The following SRSF12 variants were observed in gnomAD, a reference collection of about 807,000 sequenced individuals.
SRSF12 encodes serine/arginine-rich splicing factor 12.
SRSF12 carries 21 observed loss-of-function variants against 34.1 expected under a neutral mutation model. The observed-to-expected ratio is 0.62, with a 90% CI of 0.44 to 0.89. The LOEUF (loss-of-function observed/expected upper bound fraction) is 0.89. Among genes scored for constraint, SRSF12 ranks in the 40% least tolerant of loss-of-function variants. SRSF12 has a pLI of 0.00. For missense variants in SRSF12, 278 were observed against 327.8 expected, an observed-to-expected ratio of 0.85 and a Z score of 1.17; for synonymous variants, 111 against 110.8, an observed-to-expected ratio of 1.00 and a Z score of -0.01.
chr6:89,116,685 G>T (rs760419621), intron 1 of SRSF12, among the ~76,000 whole-genome samples: 16 of 151,418 alleles, frequency 1.1e-4, no homozygotes, highest in Non-Finnish European at 2.4e-4. Flanking sequence ...TGAGGCAGGA[G>T]AATCGCTTGA....
chr6:89,105,794 G>A lies in SRSF12; in HGVS notation c.171-264C>T, dbSNP rs115617331. ...GTACTTTTAGTGTCTACAATAGTGT[G>A]GCTGCAGTATGCATGTATAATTTGA... On this transcript the variant is annotated intron_variant, in intron 2 of 4. Transcript: ENST00000452027. The A allele has an allele frequency of 6.0e-3, 1,268 of 210,462 alleles. 16 individuals are homozygous for A. The highest frequency in any genetic ancestry group is 0.028 in the African/African-American group (1,201 of 43,616). The allele number at this position is 210,462 out of a possible 1,614,324, so 13.0% of individuals were successfully genotyped here.
chr6:89,114,922 G>A (rs892013744), intron 1 of SRSF12, among the ~76,000 whole-genome samples: 8 of 151,668 alleles, frequency 5.3e-5, no homozygotes, highest in African/African-American at 1.7e-4. Context: ...TCCGCCTCCC[G>A]AGTAGCTGGG....
chr6:89,110,378 C>T (rs1393522537), intron 1 of SRSF12, among the ~76,000 whole-genome samples: 3 of 152,200 alleles, frequency 2.0e-5, no homozygotes, highest in Admixed American at 2.0e-4. Context: ...TAAATACCCT[C>T]TAAGGTTTCC....
chr6:89,107,158 C>T lies in SRSF12; in HGVS notation c.166G>A (p.Val56Ile), dbSNP rs1768829862. The change falls in exon 2 of 5, where the codon GTT becomes ATT. Residue 56 changes from valine to isoleucine, a missense_variant. Physicochemically the swap from Val to Ile is conservative, Grantham distance 29. Coordinates refer to ENST00000452027, the MANE Select transcript of SRSF12 (RefSeq NM_080743.5). ...ACACAATAAAATAAAGGATATTGAA[C>T]ATAAGCAAATCCTCTTGGGCGGCGA... ...YTRRPRGFAY[V>I]QFEDVRDAED... is the part of the protein sequence containing the mutation. 3 of 1,613,716 alleles carry T rather than the reference C, an allele frequency of 1.9e-6. No homozygotes were observed. Among genetic ancestry groups the T allele is most frequent in the Non-Finnish European group, 2.5e-6 (3 of 1,179,718 alleles).
At chr6:89,106,982 C>A (rs1186469341) in intron 2 of SRSF12, 172 bp downstream of exon 2, 1 of 710,420 alleles carries the variant, frequency 1.4e-6, no homozygotes, top group Admixed American at 2.1e-5. Context: ...CAGGTTGGTT[C>A]AAACTGGGGG....
At chr6:89,106,137 T>C (rs572681595) in intron 2 of SRSF12, among the ~76,000 whole-genome samples, 1 of 152,306 alleles carries the variant, frequency 6.6e-6, no homozygotes, top group Non-Finnish European at 1.5e-5. Flanking sequence ...TTTCTGTTTT[T>C]GAGATGGAGT....
chr6:89,112,573 C>T (rs1319290677), intron 1 of SRSF12, among the ~76,000 whole-genome samples: 3 of 148,474 alleles, frequency 2.0e-5, no homozygotes, highest in Non-Finnish European at 4.4e-5. Flanking sequence ...TCACCATGCC[C>T]GGCTAACTTT....
chr6:89,115,254 T>C (rs1769238156), intron 1 of SRSF12, among the ~76,000 whole-genome samples: 1 of 151,868 alleles, frequency 6.6e-6, no homozygotes, highest in African/African-American at 2.4e-5. Context: ...ACAGGTGTCA[T>C]ACACCAGGCT....
At chr6:89,102,891 C>T (rs1768601625) in intron 4 of SRSF12, among the ~76,000 whole-genome samples, 1 of 152,146 alleles carries the variant, frequency 6.6e-6, no homozygotes, top group Non-Finnish European at 1.5e-5. Context: ...CCCTCCCTCC[C>T]AGTAGCTGGA....
At chr6:89,115,425 G>A (rs1360557871) in intron 1 of SRSF12, among the ~76,000 whole-genome samples, 2 of 152,018 alleles carry the variant, frequency 1.3e-5, no homozygotes, top group Non-Finnish European at 2.9e-5. Flanking sequence ...TGGGATTACA[G>A]GCGCCAGCCA....
At chr6:89,116,376 T>C (rs1415322835) in intron 1 of SRSF12, among the ~76,000 whole-genome samples, 1 of 152,196 alleles carries the variant, frequency 6.6e-6, no homozygotes, top group Non-Finnish European at 1.5e-5. Context: ...AATATATTGA[T>C]AAAAAGGCTG....
chr6:89,109,378 A>G (rs1168523479), intron 1 of SRSF12, among the ~76,000 whole-genome samples: 1 of 152,170 alleles, frequency 6.6e-6, no homozygotes, highest in African/African-American at 2.4e-5. Context: ...TACTCAATAT[A>G]TATTTGCCTA....
At position 89,098,525 on chromosome 6, in the gene SRSF12, T is replaced by C; in HGVS notation, c.*53A>G. 6.6e-7 allele frequency: 1 copy of C among 1,520,784 alleles called. No homozygotes were observed. The highest frequency in any genetic ancestry group is 8.8e-7 in the Non-Finnish European group (1 of 1,137,116). The allele number at this position is 1,520,784 out of a possible 1,614,324, so 94.2% of individuals were successfully genotyped here. ...CTTAAAGAATTTTTATTTAACATAA[T>C]GAGAGTTTAATAACTTATATTAAAG... On this transcript the variant is annotated 3_prime_UTR_variant, in exon 5 of 5. Coordinates refer to ENST00000452027, the MANE Select transcript of SRSF12 (RefSeq NM_080743.5).
rs986741551 is a variant in SRSF12, at chr6:89,096,433, T to C, written c.*2145A>G. 2.0e-5 allele frequency: 3 copies of C among 152,192 alleles called. No individual in the cohort carries two copies. The highest frequency in any genetic ancestry group is 1.5e-5 in the Non-Finnish European group (1 of 68,040). The allele number at this position is 152,192 out of a possible 1,614,324, so 9.4% of individuals were successfully genotyped here. Reference sequence around the variant, plus strand: ...ACAAGAGTGAATAACTTAAGACATATAGAACAGTGCCAAGCATGTACTAAA... The same window carrying C: ...ACAAGAGTGAATAACTTAAGACATACAGAACAGTGCCAAGCATGTACTAAA... On this transcript the variant is annotated 3_prime_UTR_variant, in exon 5 of 5. Transcript: ENST00000452027.
rs1180437215 is a variant in SRSF12 at position 89,097,304 on chromosome 6, A to G, written c.*1274T>C. 1 of 152,208 alleles carries G rather than the reference A, an allele frequency of 6.6e-6. No homozygotes were observed. The highest frequency in any genetic ancestry group is 1.5e-5 in the Non-Finnish European group (1 of 68,038). The allele number at this position is 152,208 out of a possible 1,614,324, so 9.4% of individuals were successfully genotyped here. A position where few individuals can be genotyped will look rare whatever the true frequency, so the allele number is the denominator to read the frequency against. On this transcript the variant is annotated 3_prime_UTR_variant, in exon 5 of 5. Coordinates refer to ENST00000452027, the MANE Select transcript of SRSF12 (RefSeq NM_080743.5). ...GCTCTATAAATATATCCCCTATAAT[A>G]ATCATATGCAAAACCATTCTATCAC... is the stretch of plus-strand genomic sequence containing the variant.
intron 1 of SRSF12, among the ~76,000 whole-genome samples, chr6:89,107,822 G>C (rs1156742144): frequency 1.3e-5 from 2 of 152,104 alleles, no homozygotes; most frequent in African/African-American, 4.8e-5. Flanking sequence ...ATGGATTAGA[G>C]GCTGGAAATC....
intron 1 of SRSF12, among the ~76,000 whole-genome samples, chr6:89,109,204 A>C (rs555595306): frequency 2.6e-4 from 40 of 152,250 alleles, no homozygotes; most frequent in African/African-American, 9.4e-4. Context: ...CCGATGCATT[A>C]ATTCTGGACC....
At chr6:89,105,571 G>A in intron 2 of SRSF12, 41 bp from the exon 3 acceptor site, 2 of 1,378,712 alleles carry the variant, frequency 1.5e-6, no homozygotes, top group Non-Finnish European at 2.0e-6. Context: ...GAGATATCAA[G>A]TAAACATATT....
intron 1 of SRSF12, among the ~76,000 whole-genome samples, chr6:89,116,723 C>T (rs1769310682): frequency 6.6e-6 from 1 of 150,974 alleles, no homozygotes; most frequent in Non-Finnish European, 1.5e-5. Context: ...TGCAGCCAAC[C>T]AAGATCGGGC....
Sources: gnomAD v4.1 joint callset for allele counts (sites outside exome capture counted in the v4.1 genomes callset) on GRCh38, gnomAD v4.1.1 for gene constraint, MANE v1.5 for transcripts, NCBI Gene and HGNC (gene_info 2026-07-23, HGNC 2026-07-21) for gene names.